The following TMEM108 variants were observed in gnomAD, a reference collection of about 807,000 sequenced individuals.
The protein encoded by TMEM108 is transmembrane protein 108, also known as cancer/testis antigen 124.
Under a neutral mutation model 35.1 loss-of-function variants are expected in TMEM108, and 12 were observed. The ratio of observed to expected loss-of-function variants is 0.34; its 90% confidence interval spans 0.22 to 0.55. TMEM108 has a LOEUF of 0.55. Ranked by LOEUF, TMEM108 falls within the 20% of genes least tolerant of loss-of-function variation. The probability of loss-of-function intolerance (pLI) is 0.89; values close to 1 mark genes in which losing one functional copy is unlikely to be tolerated. For synonymous variants in TMEM108, 287 were observed against 308.6 expected, an observed-to-expected ratio of 0.93 and a Z score of 0.73; for missense variants, 680 against 753.3, an observed-to-expected ratio of 0.90 and a Z score of 1.14.
chr3:133,091,866 A>AT (rs1943950661), intron 2 of TMEM108, among the ~76,000 whole-genome samples: 1 of 152,200 alleles, frequency 6.6e-6, no homozygotes, highest in African/African-American at 2.4e-5. Flanking sequence ...ATAAAAAAAA[A>AT]ACAAAACCCA....
intron 3 of TMEM108, among the ~76,000 whole-genome samples, chr3:133,308,160 TTGTC>T (rs1379022852): frequency 6.6e-6 from 1 of 152,154 alleles, no homozygotes; most frequent in Non-Finnish European, 1.5e-5. Context: ...GGCTCTCTGT[TTGTC>T]TGTTATTGAC....
At chr3:133,375,130 G>A (rs907478855) in intron 3 of TMEM108, among the ~76,000 whole-genome samples, 2 of 152,246 alleles carry the variant, frequency 1.3e-5, no homozygotes, top group African/African-American at 4.8e-5. Context: ...TTTGAGCAGT[G>A]TATAGTACAT....
chr3:133,390,414 G>T, intron 5 of TMEM108, 80 bp downstream of exon 5: 1 of 1,525,160 alleles, frequency 6.6e-7, no homozygotes, highest in Non-Finnish European at 8.9e-7. Context: ...TCATTTCTGA[G>T]TGCCTTGCTC....
At chr3:133,369,721 C>T (rs1490799587) in intron 3 of TMEM108, among the ~76,000 whole-genome samples, 1 of 152,202 alleles carries the variant, frequency 6.6e-6, no homozygotes, top group Non-Finnish European at 1.5e-5. Context: ...AATCTATCAA[C>T]TAGGCTAAAA....
chr3:133,229,308 T>C lies in TMEM108; in HGVS notation c.-4T>C. 6.2e-7 allele frequency: 1 copy of C among 1,613,148 alleles called. No individual in the cohort carries two copies. Among genetic ancestry groups the C allele is most frequent in the African/African-American group, 1.3e-5 (1 of 74,986 alleles). On this transcript the variant is annotated 5_prime_UTR_variant, in exon 3 of 6. Coordinates refer to ENST00000321871, the MANE Select transcript of TMEM108 (RefSeq NM_023943.4). ...CTGGAGGATAAGCAGGACCAGATGA[T>C]ACCATGAAGAGAAGTTTACAGGCCC...
intron 2 of TMEM108, among the ~76,000 whole-genome samples, chr3:133,051,588 T>A (rs979992079): frequency 6.6e-6 from 1 of 152,154 alleles, no homozygotes; most frequent in Non-Finnish European, 1.5e-5. Flanking sequence ...GTCATTGCCA[T>A]ACCCAAGATC....
intron 3 of TMEM108, among the ~76,000 whole-genome samples, chr3:133,258,555 G>C (rs570087428): frequency 1.3e-5 from 2 of 152,340 alleles, no homozygotes; most frequent in South Asian, 4.1e-4. Flanking sequence ...GGCAGCTGCT[G>C]CCAGCTCATC....
intron 2 of TMEM108, among the ~76,000 whole-genome samples, chr3:133,146,577 G>A (rs911135372): frequency 2.0e-5 from 3 of 152,320 alleles, no homozygotes; most frequent in Admixed American, 6.5e-5. Context: ...GAATTCAGCT[G>A]TGAATCTGTC....
chr3:133,160,136 C>T (rs966989914), intron 2 of TMEM108, among the ~76,000 whole-genome samples: 3 of 152,216 alleles, frequency 2.0e-5, no homozygotes, highest in Non-Finnish European at 4.4e-5. Context: ...AGGCAGAAGG[C>T]ACCCTCCAGG....
chr3:133,249,847 T>C (rs905367784), intron 3 of TMEM108, among the ~76,000 whole-genome samples: 3 of 152,166 alleles, frequency 2.0e-5, no homozygotes, highest in African/African-American at 7.2e-5. Flanking sequence ...AGCTTTTAAA[T>C]TATTTGAGTA....
chr3:133,121,192 G>A (rs1384122023), intron 2 of TMEM108, among the ~76,000 whole-genome samples: 2 of 152,190 alleles, frequency 1.3e-5, no homozygotes, highest in East Asian at 1.9e-4. Context: ...GGTCTGGCCA[G>A]TAGATCTGTA....
chr3:133,230,286 T>C (rs1408402642), intron 3 of TMEM108, among the ~76,000 whole-genome samples: 1 of 152,232 alleles, frequency 6.6e-6, no homozygotes, highest in Non-Finnish European at 1.5e-5. Flanking sequence ...GCTTATGTTG[T>C]ACCCCCAGTG....
chr3:133,300,001 G>A (rs1947197178), intron 3 of TMEM108, among the ~76,000 whole-genome samples: 1 of 152,156 alleles, frequency 6.6e-6, no homozygotes, highest in South Asian at 2.1e-4. Context: ...AAGTGTTCAG[G>A]TAAATTGCAG....
intron 3 of TMEM108, among the ~76,000 whole-genome samples, chr3:133,233,025 CGTT>C (rs1192048613): frequency 1.6e-5 from 2 of 124,368 alleles, no homozygotes; most frequent in African/African-American, 5.7e-5. Flanking sequence ...TTACCACTTT[CGTT>C]TTTTTTTTTT....
intron 2 of TMEM108, among the ~76,000 whole-genome samples, chr3:133,105,692 G>A (rs1944141836): frequency 6.6e-6 from 1 of 152,132 alleles, no homozygotes; most frequent in African/African-American, 2.4e-5. Context: ...AAACTTCCAC[G>A]ACTTTCTCTC....
At chr3:133,140,478 G>A (rs1227596189) in intron 2 of TMEM108, among the ~76,000 whole-genome samples, 1 of 152,158 alleles carries the variant, frequency 6.6e-6, no homozygotes, top group Non-Finnish European at 1.5e-5. Flanking sequence ...TGTGTCCTGT[G>A]AATTTTGCAA....
At chr3:133,179,496 G>A (rs1275726049) in intron 2 of TMEM108, among the ~76,000 whole-genome samples, 1 of 152,118 alleles carries the variant, frequency 6.6e-6, no homozygotes, top group Non-Finnish European at 1.5e-5. Context: ...ATGAGTTCAT[G>A]TCCTTTGTAG....
At chr3:133,228,003 G>C (rs185976803) in intron 2 of TMEM108, among the ~76,000 whole-genome samples, 1 of 152,158 alleles carries the variant, frequency 6.6e-6, no homozygotes, top group Non-Finnish European at 1.5e-5. Context: ...AGAGACAATA[G>C]ATTAATGGTT....
At chr3:133,084,971 G>C (rs747985735) in intron 2 of TMEM108, among the ~76,000 whole-genome samples, 1 of 152,160 alleles carries the variant, frequency 6.6e-6, no homozygotes, top group Non-Finnish European at 1.5e-5. Context: ...AGTGTGGTGT[G>C]TTTCAGTTAT....
Sources: gnomAD v4.1 joint callset for allele counts (sites outside exome capture counted in the v4.1 genomes callset) on GRCh38, gnomAD v4.1.1 for gene constraint, MANE v1.5 for transcripts, NCBI Gene and HGNC (gene_info 2026-07-23, HGNC 2026-07-21) for gene names.